Variants in ADORA2B observed in about 807,000 individuals in gnomAD.
The protein encoded by ADORA2B is adenosine A2b receptor.
Under a neutral mutation model 20.8 loss-of-function variants are expected in ADORA2B, and 18 were observed. The observed-to-expected ratio is 0.87, with a 90% CI of 0.60 to 1.29. The LOEUF (loss-of-function observed/expected upper bound fraction) is 1.29, where lower values mean the gene tolerates loss of function less well. ADORA2B is among the 50% of genes most tolerant of loss of function. The pLI, the probability that ADORA2B is intolerant of heterozygous loss-of-function variation, is 0.00. For synonymous variants in ADORA2B, 179 were observed against 178.3 expected (o/e 1.00, Z -0.03); for missense variants, 441 against 422.7 (o/e 1.04, Z -0.38).
At chr17:15,972,996 T>G (rs1970206805) in intron 1 of ADORA2B, among the ~76,000 whole-genome samples, 2 of 152,202 alleles carry the variant, frequency 1.3e-5, no homozygotes, top group Non-Finnish European at 2.9e-5. Context: ...TGTGATCTAA[T>G]GGCTTGAAGA....
chr17:15,945,697 G>A (rs1969794924), intron 1 of ADORA2B, 114 bp downstream of exon 1: 3 of 1,029,108 alleles, frequency 2.9e-6, no homozygotes, highest in African/African-American at 1.6e-5. Context: ...GGCTGGGGGC[G>A]CGCGGGGCGC....
At chr17:15,872,791 A>G in the ADORA2B span, among the ~76,000 whole-genome samples, 2 of 152,216 alleles carry the variant, frequency 1.3e-5, no homozygotes, top group Admixed American at 6.5e-5. Flanking sequence ...TATGAAATCT[A>G]AGAGTCTCAT....
the ADORA2B span, among the ~76,000 whole-genome samples, chr17:15,912,856 A>T: frequency 2.6e-5 from 4 of 152,328 alleles, no homozygotes; most frequent in East Asian, 7.7e-4. Flanking sequence ...ACAAGAATGA[A>T]GCATCATCTG....
At chr17:15,914,563 C>G in the ADORA2B span, among the ~76,000 whole-genome samples, 1 of 152,164 alleles carries the variant, frequency 6.6e-6, no homozygotes, top group Non-Finnish European at 1.5e-5. Flanking sequence ...AATCATGTGC[C>G]CCAGAGCAAG....
At chr17:15,956,282 C>G (rs1202980563) in intron 1 of ADORA2B, among the ~76,000 whole-genome samples, 1 of 152,208 alleles carries the variant, frequency 6.6e-6, no homozygotes, top group Non-Finnish European at 1.5e-5. Flanking sequence ...TCCCCTCCCC[C>G]ACCCGTTATC....
the ADORA2B span, among the ~76,000 whole-genome samples, chr17:15,916,753 A>C: frequency 6.6e-6 from 1 of 152,164 alleles, no homozygotes; most frequent in African/African-American, 2.4e-5. Context: ...TGGAGGCAGA[A>C]ATTGGGCATA....
the ADORA2B span, among the ~76,000 whole-genome samples, chr17:15,891,845 CTT>C: frequency 0.17 from 18,125 of 106,350 alleles, 788 homozygotes; most frequent in Non-Finnish European, 0.22. Context: ...CAATGCCCAG[CTT>C]TTTTTTTTTT....
At chr17:15,900,953 A>G in the ADORA2B span, among the ~76,000 whole-genome samples, 2 of 152,178 alleles carry the variant, frequency 1.3e-5, no homozygotes, top group African/African-American at 4.8e-5. Context: ...CGCTGTTGTA[A>G]AAACAGTCAG....
chr17:15,872,420 G>A, the ADORA2B span, among the ~76,000 whole-genome samples: 1 of 151,924 alleles, frequency 6.6e-6, no homozygotes, highest in East Asian at 1.9e-4. Context: ...ATGAATTTTG[G>A]GATTGTTTTT....
At chr17:15,962,379 C>T (rs993847480) in intron 1 of ADORA2B, among the ~76,000 whole-genome samples, 3 of 152,170 alleles carry the variant, frequency 2.0e-5, no homozygotes, top group African/African-American at 4.8e-5. Context: ...TTTCCTCATT[C>T]CTTCCACATT....
the ADORA2B span, among the ~76,000 whole-genome samples, chr17:15,905,939 C>G: frequency 6.6e-6 from 1 of 152,238 alleles, no homozygotes; most frequent in African/African-American, 2.4e-5. Context: ...CAGGCGTGAG[C>G]CACTGTGCCC....
At chr17:15,876,449 C>CTTTTTTTTTTTTTTTTTTTTTTT in the ADORA2B span, among the ~76,000 whole-genome samples, 5 of 119,300 alleles carry the variant, frequency 4.2e-5, no homozygotes, top group African/African-American at 6.3e-5. Flanking sequence ...TTTCTTTTTT[C>CTTTTTTTTTTTTTTTTTTTTTTT]TTTTTTTTTT....
the ADORA2B span, among the ~76,000 whole-genome samples, chr17:15,855,992 C>T: frequency 3.3e-4 from 50 of 152,050 alleles, no homozygotes; most frequent in Non-Finnish European, 5.9e-5. Context: ...CTACTCTCTG[C>T]TTCTCTGAGT....
the ADORA2B span, among the ~76,000 whole-genome samples, chr17:15,938,451 C>G: frequency 6.6e-6 from 1 of 152,008 alleles, no homozygotes; most frequent in African/African-American, 2.4e-5. Flanking sequence ...TACAGGCGCC[C>G]GCCACCACGC....
the ADORA2B span, among the ~76,000 whole-genome samples, chr17:15,878,370 G>A: frequency 6.6e-6 from 1 of 152,128 alleles, no homozygotes; most frequent in Non-Finnish European, 1.5e-5. Flanking sequence ...CTGTGGGTCT[G>A]GTGCTCTGCC....
the ADORA2B span, among the ~76,000 whole-genome samples, chr17:15,924,894 G>A: frequency 6.7e-6 from 1 of 149,950 alleles, no homozygotes; most frequent in African/African-American, 2.5e-5. Flanking sequence ...AAGAGACAGA[G>A]TCTTGCTCTG....
At chr17:15,851,276 C>CTCTG in the ADORA2B span, among the ~76,000 whole-genome samples, 1 of 150,042 alleles carries the variant, frequency 6.7e-6, no homozygotes, top group African/African-American at 2.5e-5. Context: ...AGGCAGTAGG[C>CTCTG]TCTGTCCACT....
the ADORA2B span, among the ~76,000 whole-genome samples, chr17:15,918,312 T>C: frequency 9.2e-5 from 14 of 152,186 alleles, no homozygotes; most frequent in Non-Finnish European, 1.5e-4. Flanking sequence ...TTCAGTGCAT[T>C]GCTGTGGGCT....
In ADORA2B at chr17:15,945,175, G is replaced by A. The variant is rs912593392; in HGVS notation, c.-74G>A. On this transcript the variant is annotated 5_prime_UTR_variant, in exon 1 of 2. Coordinates refer to ENST00000304222, the MANE Select transcript of ADORA2B (RefSeq NM_000676.4). ...CGGTCCGGGCGCTATGGCCATGCCC[G>A]GCGGGTCTCACGCGGCTGCCCCTCG... The A allele has an allele frequency of 3.9e-6, 5 of 1,285,750 alleles. No individual in the cohort carries two copies. The African/African-American group carries it at 4.7e-5, about 12-fold the overall frequency. The allele number at this position is 1,285,750 out of a possible 1,614,324, so 79.6% of individuals were successfully genotyped here. A position where few individuals can be genotyped will look rare whatever the true frequency, so the allele number is the denominator to read the frequency against.
Sources: allele counts gnomAD v4.1 joint callset (sites outside exome capture counted in the v4.1 genomes callset), GRCh38; gene constraint gnomAD v4.1.1; transcripts MANE v1.5; gene names NCBI Gene and HGNC (gene_info 2026-07-23, HGNC 2026-07-21).